Variants in LPIN1 observed in about 807,000 individuals in gnomAD.
The protein encoded by LPIN1 is lipin 1.
LPIN1 carries 71 observed loss-of-function variants against 107.5 expected under a neutral mutation model. That is an observed-to-expected ratio of 0.66 (90% confidence interval 0.55 to 0.80). The LOEUF (loss-of-function observed/expected upper bound fraction) is 0.80, where lower values mean the gene tolerates loss of function less well. Ranked by LOEUF, LPIN1 falls within the 30% of genes least tolerant of loss-of-function variation. The pLI is 0.00. For missense variants in LPIN1, 1,043 were observed against 1,160.6 expected (o/e 0.90, Z 1.47); for synonymous variants, 445 against 452.6 (o/e 0.98, Z 0.21).
intron 1 of LPIN1, among the ~76,000 whole-genome samples, chr2:11,760,256 T>C (rs1485586834): frequency 1.3e-5 from 2 of 150,166 alleles, no homozygotes; most frequent in African/African-American, 2.5e-5. Context: ...CAGGCAGAGA[T>C]GCTCCTCACT....
chr2:11,679,594 C>T (rs1661600358), intron 1 of LPIN1, among the ~76,000 whole-genome samples: 1 of 152,204 alleles, frequency 6.6e-6, no homozygotes, highest in Non-Finnish European at 1.5e-5. Context: ...CATCGCTCTT[C>T]CAACCCCACA....
intron 1 of LPIN1, among the ~76,000 whole-genome samples, chr2:11,686,596 G>T (rs555894965): frequency 7.9e-5 from 12 of 152,256 alleles, no homozygotes; most frequent in Non-Finnish European, 2.9e-5. Flanking sequence ...CAGGAACAGG[G>T]TGGGTAGCCA....
At chr2:11,678,074 A>T (rs1460075056) in intron 1 of LPIN1, among the ~76,000 whole-genome samples, 1 of 152,218 alleles carries the variant, frequency 6.6e-6, no homozygotes. Flanking sequence ...CTCTGCTAGA[A>T]CATCCTTGTC....
At chr2:11,773,505 T>C (rs1364421008) in intron 4 of LPIN1, 115 bp from the exon 5 acceptor site, 1 of 902,450 alleles carries the variant, frequency 1.1e-6, no homozygotes, top group Non-Finnish European at 1.8e-6. Context: ...TCTGGGTGTT[T>C]AAAGAGATCA....
At chr2:11,698,950 A>G (rs11683869) in intron 1 of LPIN1, among the ~76,000 whole-genome samples, 38,089 of 152,228 alleles carry the variant, frequency 0.25, 5,909 homozygotes, top group Middle Eastern at 0.36. Flanking sequence ...CCATGAATCA[A>G]GCTTGGCCAA....
chr2:11,737,865 A>G (rs1275522337), intron 1 of LPIN1, among the ~76,000 whole-genome samples: 1 of 152,242 alleles, frequency 6.6e-6, no homozygotes, highest in African/African-American at 2.4e-5. Flanking sequence ...ATACCATTTG[A>G]CCCAGCAATC....
Position 11,820,439 on chromosome 2 carries a change from T to G in LPIN1, c.2546T>G (p.Val849Gly), listed in dbSNP as rs1259029362. 4.3e-6 allele frequency: 7 copies of G among 1,612,756 alleles called. No homozygotes were observed. The highest frequency in any genetic ancestry group is 5.9e-6 in the Non-Finnish European group (7 of 1,178,750). ...ADVYSYKQVG[V>G]SLNRIFTVNP... Reference sequence around the variant, plus strand: ...GTGTATTCATACAAGCAAGTAGGAGTGTCTTTGAATAGAATATTTACCGTC... The same window carrying G: ...GTGTATTCATACAAGCAAGTAGGAGGGTCTTTGAATAGAATATTTACCGTC... Residue 849 changes from valine to glycine, a missense_variant, in exon 20 of 21, where the codon GTG becomes GGG. Val to Gly is a moderately radical substitution (Grantham distance 109). Transcript: ENST00000674199.
chr2:11,824,786 G>T lies in LPIN1; in HGVS notation c.2776G>T (p.Ala926Ser). 1.9e-6 allele frequency: 3 copies of T among 1,614,182 alleles called. No individual in the cohort carries two copies. The highest frequency in any genetic ancestry group is 3.3e-5 in the Admixed American group (2 of 60,026). ...FENQDIHSAS[A>S] Reference sequence around the variant, plus strand: ...AAACCAGGACATTCATTCTGCCTCAGCGTAAAATGTCCCAAGCAGCCTCTT... The same window carrying T: ...AAACCAGGACATTCATTCTGCCTCATCGTAAAATGTCCCAAGCAGCCTCTT... Residue 926 changes from alanine to serine, a missense_variant, in exon 21 of 21, where the codon GCG becomes TCG. Coordinates refer to ENST00000674199, the MANE Select transcript of LPIN1 (RefSeq NM_001349206.2).
At chr2:11,720,868 C>T (rs150876989), upstream of LPIN1, among the ~76,000 whole-genome samples, 6 of 151,772 alleles carry the variant, frequency 4.0e-5, no homozygotes, top group African/African-American at 1.5e-4. Context: ...AGCAGATGTA[C>T]GGTGTCAGGT....
Position 11,765,861 on chromosome 2 carries a change from C to CTGTCAGTTCCGTGACT in LPIN1, c.192+128_192+129insTGTCAGTTCCGTGACT. 1 of 749,442 alleles carries CTGTCAGTTCCGTGACT rather than the reference C, an allele frequency of 1.3e-6. No homozygotes were observed. Among genetic ancestry groups the CTGTCAGTTCCGTGACT allele is most frequent in the Non-Finnish European group, 2.1e-6 (1 of 466,988 alleles). 46.4% of individuals were successfully genotyped at this position (749,442 alleles called of 1,614,324 possible). On this transcript the variant is annotated intron_variant, in intron 2 of 20. Transcript: ENST00000674199. The surrounding 1 kb of genome is among the most constrained non-coding windows in gnomAD (Gnocchi z 4.4). ...GGTCTTCGTTGGAAATGGCCAGTCA[C>CTGTCAGTTCCGTGACT]GGAACTGACAGTGACTAATTGAAAT... is the stretch of plus-strand genomic sequence containing the variant.
At chr2:11,717,961 C>T (rs1663864393) in intron 2 of LPIN1, among the ~76,000 whole-genome samples, 1 of 152,150 alleles carries the variant, frequency 6.6e-6, no homozygotes, top group Non-Finnish European at 1.5e-5. Context: ...TCCATTGCTT[C>T]CTTGCTTTTA....
chr2:11,739,711 C>T (rs1295689267), intron 1 of LPIN1, among the ~76,000 whole-genome samples: 3 of 152,114 alleles, frequency 2.0e-5, no homozygotes, highest in African/African-American at 4.8e-5. Context: ...GACAATGTCC[C>T]GTGTCCAAAC....
chr2:11,748,574 A>G lies in LPIN1; in HGVS notation c.-10+1903A>G, dbSNP rs377271941. Among the ~76,000 whole-genome samples the G allele has an allele frequency of 5.9e-5, 9 of 152,338 alleles. No individual in the cohort carries two copies. In the East Asian group the frequency reaches 1.2e-3, roughly 20 times the overall value. ...GTGGTTGTTATGATTTTAAAGTGCCACAGGGTGCCAGCGAGGAGGGGCTCT... is the reference window on the plus strand; with the variant it reads ...GTGGTTGTTATGATTTTAAAGTGCCGCAGGGTGCCAGCGAGGAGGGGCTCT... On this transcript the variant is annotated intron_variant, in intron 1 of 20. Coordinates refer to ENST00000674199, the MANE Select transcript of LPIN1 (RefSeq NM_001349206.2).
intron 16 of LPIN1, 31 bp from the exon 17 acceptor site, chr2:11,805,039 A>G (rs1262842780): frequency 7.4e-7 from 1 of 1,352,622 alleles, no homozygotes; most frequent in Non-Finnish European, 1.1e-6. Flanking sequence ...AGGGATTTTT[A>G]CTTTATTTTT....
chr2:11,687,832 T>C (rs530868409), intron 1 of LPIN1, among the ~76,000 whole-genome samples: 75 of 152,362 alleles, frequency 4.9e-4, no homozygotes, highest in African/African-American at 1.7e-3. Context: ...ACATGCACTT[T>C]TATTAAATGA....
chr2:11,781,961 GC>G (rs1673642992), intron 7 of LPIN1, among the ~76,000 whole-genome samples: 1 of 152,220 alleles, frequency 6.6e-6, no homozygotes. Flanking sequence ...CTGCCTGTTG[GC>G]ATTGCTAATC....
upstream of LPIN1, among the ~76,000 whole-genome samples, chr2:11,742,598 C>T (rs571456142): frequency 5.9e-5 from 9 of 152,206 alleles, no homozygotes; most frequent in South Asian, 1.9e-3. Context: ...CCCAGCATAG[C>T]AGCCACTGTT....
At position 11,802,951 on chromosome 2, in the gene LPIN1, C is replaced by T; in HGVS notation, c.1931C>T (p.Ala644Val). The T allele has an allele frequency of 6.2e-7, 1 of 1,613,488 alleles. No homozygotes were observed. The highest frequency in any genetic ancestry group is 8.5e-7 in the Non-Finnish European group (1 of 1,180,018). ...SSSSDEERAA[A>V]KPSNAGHLPL... ...TCCAGTGATGAGGAGCGCGCAGCTG[C>T]CAAGCCATCAAACGCAGGCCACCTC... The change falls in exon 15 of 21, where the codon GCC becomes GTC. Residue 644 changes from alanine to valine, a missense_variant. By Grantham distance (64) the Ala-to-Val change is moderately conservative. Coordinates refer to ENST00000674199, the MANE Select transcript of LPIN1 (RefSeq NM_001349206.2).
At chr2:11,693,810 A>G (rs1299175396) in intron 1 of LPIN1, among the ~76,000 whole-genome samples, 1 of 30,052 alleles carries the variant, frequency 3.3e-5, no homozygotes, top group African/African-American at 8.4e-5. Flanking sequence ...ATATATATAT[A>G]TATATATATA....
Sources: allele counts gnomAD v4.1 joint callset (sites outside exome capture counted in the v4.1 genomes callset), GRCh38; gene constraint gnomAD v4.1.1; non-coding constraint Gnocchi (gnomAD v3.1); transcripts MANE v1.5; gene names NCBI Gene and HGNC (gene_info 2026-07-23, HGNC 2026-07-21).